The following PALS2 variants were observed in gnomAD, a reference collection of about 807,000 sequenced individuals.
The protein encoded by PALS2 is protein associated with LIN7 2, MAGUK p55 family member.
PALS2 carries 27 observed loss-of-function variants against 61.6 expected under a neutral mutation model. The observed-to-expected ratio is 0.44, with a 90% CI of 0.32 to 0.60. The LOEUF (loss-of-function observed/expected upper bound fraction) is 0.60. PALS2 is among the 20% of genes least tolerant of loss of function. PALS2 has a pLI of 0.05. For synonymous variants in PALS2, 236 were observed against 218.6 expected (o/e 1.08, Z -0.70); for missense variants, 554 against 639.4 (o/e 0.87, Z 1.44).
At chr7:24,660,162 TTGTTA>T (rs772657879) in intron 5 of PALS2, among the ~76,000 whole-genome samples, 25 of 152,236 alleles carry the variant, frequency 1.6e-4, no homozygotes, top group Non-Finnish European at 2.6e-4. Flanking sequence ...TGGAGGGTCC[TTGTTA>T]CTTCATCTGA....
intron 1 of PALS2, among the ~76,000 whole-genome samples, chr7:24,583,907 C>T (rs571162789): frequency 6.6e-6 from 1 of 151,364 alleles, no homozygotes; most frequent in African/African-American, 2.4e-5. Flanking sequence ...TGAGAATATG[C>T]GGTGTTTGGT....
intron 2 of PALS2, among the ~76,000 whole-genome samples, chr7:24,625,264 T>C (rs1358815816): frequency 6.6e-6 from 1 of 152,188 alleles, no homozygotes; most frequent in African/African-American, 2.4e-5. Flanking sequence ...CTGTTGATTG[T>C]CAGTTATTGT....
At chr7:24,613,337 C>G (rs1413770572) in intron 1 of PALS2, among the ~76,000 whole-genome samples, 3 of 151,684 alleles carry the variant, frequency 2.0e-5, no homozygotes, top group Non-Finnish European at 4.4e-5. Context: ...AGAAAATCAC[C>G]TACTTGACTA....
Position 24,632,761 on chromosome 7 carries a change from C to G in PALS2, c.118-8955C>G, listed in dbSNP as rs532530169. Among the ~76,000 whole-genome samples, 97 of 152,248 alleles carry G rather than the reference C, an allele frequency of 6.4e-4. 1 individual carries two copies. The highest frequency in any genetic ancestry group is 2.2e-3 in the African/African-American group (92 of 41,544). ...TATAATTCGATTAACGTCTTTCATA[C>G]TGTTACTGTTTTGTATTTGTTGCCT... On this transcript the variant is annotated intron_variant, in intron 2 of 11. Coordinates refer to ENST00000222644, the MANE Select transcript of PALS2 (RefSeq NM_001303037.2).
chr7:24,680,436 A>G lies in PALS2; in HGVS notation c.1362A>G (p.Val454=), dbSNP rs766489357. 2 of 1,613,656 alleles carry G rather than the reference A, an allele frequency of 1.2e-6. No individual in the cohort carries two copies. Among genetic ancestry groups the G allele is most frequent in the Non-Finnish European group, 1.7e-6 (2 of 1,179,608 alleles). The change falls in exon 11 of 12, where the codon GTA becomes GTG. Residue 454 remains valine (V), a synonymous_variant. Coordinates refer to ENST00000222644, the MANE Select transcript of PALS2 (RefSeq NM_001303037.2). The part of the protein sequence containing the change: ...LRTSEFMPYV[V]FIAAPELETL... Reference sequence around the variant, plus strand: ...CATCAGAGTTTATGCCCTATGTGGTATTTATTGCGGCTCCGGAGCTAGAGA... The same window carrying G: ...CATCAGAGTTTATGCCCTATGTGGTGTTTATTGCGGCTCCGGAGCTAGAGA...
rs570854979 is a variant in PALS2 at position 24,645,660 on chromosome 7, A to G, written c.270+3792A>G. On this transcript the variant is annotated intron_variant, in intron 3 of 11. Coordinates refer to ENST00000222644, the MANE Select transcript of PALS2 (RefSeq NM_001303037.2). ...TTTTTCTAGTTCTGTGAAGAATGTC[A>G]TTGGTAGTTTGATAGGAATAGCATT... Among the ~76,000 whole-genome samples, 43 of 152,148 alleles carry G rather than the reference A, an allele frequency of 2.8e-4. No homozygotes were observed. The South Asian group carries it at 7.0e-3, about 25-fold the overall frequency.
intron 10 of PALS2, 139 bp from the exon 11 acceptor site, chr7:24,680,253 G>A: frequency 1.3e-6 from 1 of 770,762 alleles, no homozygotes. Flanking sequence ...GGAATGAGAA[G>A]GACAGAACAG....
At chr7:24,642,636 C>G (rs1444955348) in intron 3 of PALS2, among the ~76,000 whole-genome samples, 2 of 152,150 alleles carry the variant, frequency 1.3e-5, no homozygotes, top group East Asian at 3.8e-4. Flanking sequence ...CAAATCTTAG[C>G]ACTGAAAATC....
chr7:24,675,130 C>T (rs1356049831), intron 9 of PALS2, among the ~76,000 whole-genome samples: 1 of 152,060 alleles, frequency 6.6e-6, no homozygotes, highest in South Asian at 2.1e-4. Context: ...AGTTAAAATT[C>T]ACTTGTAAAC....
intron 1 of PALS2, among the ~76,000 whole-genome samples, chr7:24,605,295 A>G (rs950463611): frequency 2.6e-5 from 4 of 152,188 alleles, no homozygotes; most frequent in African/African-American, 9.6e-5. Context: ...TCTTGAAGAC[A>G]TGGGAAAAAT....
At chr7:24,621,360 G>C (rs763763966) in intron 1 of PALS2, among the ~76,000 whole-genome samples, 6 of 152,192 alleles carry the variant, frequency 3.9e-5, no homozygotes, top group Non-Finnish European at 8.8e-5. Context: ...TAGAGTATTA[G>C]AAAAATATTT....
At chr7:24,599,021 G>A (rs1484177994) in intron 1 of PALS2, among the ~76,000 whole-genome samples, 2 of 152,108 alleles carry the variant, frequency 1.3e-5, no homozygotes, top group Non-Finnish European at 1.5e-5. Flanking sequence ...TGTTGAATGA[G>A]GCAGGAATAA....
intron 1 of PALS2, among the ~76,000 whole-genome samples, chr7:24,595,538 TAATATATA>T (rs1482937848): frequency 2.4e-5 from 3 of 123,350 alleles, no homozygotes; most frequent in Admixed American, 8.4e-5. Context: ...ATATAATATA[TAATATATA>T]AATATATATT....
chr7:24,678,352 A>G (rs1787733317), intron 9 of PALS2, among the ~76,000 whole-genome samples: 2 of 152,206 alleles, frequency 1.3e-5, no homozygotes, highest in African/African-American at 2.4e-5. Context: ...CCCAGAAATA[A>G]TATGTCAGGT....
chr7:24,603,579 C>A (rs1237123724), intron 1 of PALS2, among the ~76,000 whole-genome samples: 1 of 152,194 alleles, frequency 6.6e-6, no homozygotes. Context: ...CAGTCCATCA[C>A]AGCTCAACTC....
chr7:24,646,242 G>A (rs1017510381), intron 3 of PALS2, among the ~76,000 whole-genome samples: 1 of 152,100 alleles, frequency 6.6e-6, no homozygotes, highest in African/African-American at 2.4e-5. Context: ...GTTTTCAAGG[G>A]GAGTGCTTCC....
chr7:24,657,908 A>G (rs967611996), intron 5 of PALS2, among the ~76,000 whole-genome samples: 20 of 152,174 alleles, frequency 1.3e-4, no homozygotes, highest in East Asian at 1.9e-4. Context: ...CAGAGTTTAT[A>G]TTTTGCATAT....
chr7:24,660,770 G>A (rs1485257857), intron 5 of PALS2, among the ~76,000 whole-genome samples: 14 of 152,288 alleles, frequency 9.2e-5, no homozygotes, highest in Non-Finnish European at 2.1e-4. Flanking sequence ...GGGTTTATGC[G>A]TTTGTAATCT....
intron 1 of PALS2, 107 bp from the exon 2 acceptor site, chr7:24,623,559 T>C: frequency 3.3e-6 from 2 of 606,640 alleles, no homozygotes; most frequent in Non-Finnish European, 5.7e-6. Flanking sequence ...GTATTCTTAA[T>C]GTCTAGTTGC....
Sources: allele counts gnomAD v4.1 joint callset (sites outside exome capture counted in the v4.1 genomes callset), GRCh38; gene constraint gnomAD v4.1.1; transcripts MANE v1.5; gene names NCBI Gene and HGNC (gene_info 2026-07-23, HGNC 2026-07-21).